The following RAB10 variants were observed in gnomAD, a reference collection of about 807,000 sequenced individuals.
RAB10 encodes RAB10, member RAS oncogene family, also known as ras-related protein Rab-10.
RAB10 carries 5 observed loss-of-function variants against 25.7 expected under a neutral mutation model. The observed-to-expected ratio is 0.19, with a 90% CI of 0.10 to 0.41. RAB10 has a LOEUF of 0.41. RAB10 is among the 10% of genes least tolerant of loss of function. The pLI is 1.00. For missense variants in RAB10, 103 were observed against 245.8 expected, an observed-to-expected ratio of 0.42 and a Z score of 3.89; for synonymous variants, 89 against 86.4, an observed-to-expected ratio of 1.03 and a Z score of -0.16.
intron 5 of RAB10, among the ~76,000 whole-genome samples, chr2:26,133,650 T>C (rs2149291408): frequency 6.6e-6 from 1 of 152,234 alleles, no homozygotes; most frequent in East Asian, 1.9e-4. Context: ...TAAAATACTG[T>C]ATTCTGATTT....
chr2:26,046,943 A>G (rs1175725234), intron 1 of RAB10, among the ~76,000 whole-genome samples: 1 of 152,182 alleles, frequency 6.6e-6, no homozygotes, highest in Non-Finnish European at 1.5e-5. Context: ...ATGCAGTTGT[A>G]AAAGGTAATA....
chr2:26,107,198 ATCGTGCCACTACAC>A (rs568459587), intron 2 of RAB10, among the ~76,000 whole-genome samples: 91 of 148,692 alleles, frequency 6.1e-4, no homozygotes, highest in African/African-American at 1.9e-3. Context: ...GTGAGCCAAG[ATCGTGCCACTACAC>A]TCCAGCCTGG....
rs115350727 is a variant in RAB10, at chr2:26,109,412, T to C, written c.189-356T>C. Among the ~76,000 whole-genome samples, 943 of 152,342 alleles carry C rather than the reference T, an allele frequency of 6.2e-3. 12 individuals are homozygous for C. Among genetic ancestry groups the C allele is most frequent in the African/African-American group, 0.021 (882 of 41,584 alleles). On this transcript the variant is annotated intron_variant, in intron 2 of 5. Coordinates refer to ENST00000264710, the MANE Select transcript of RAB10 (RefSeq NM_016131.5). Reference sequence around the variant, plus strand: ...TATTATTTATAAGTGAGGTTATCTTTACAACTTTTGGTTAATGATTCTAAA... The same window carrying C: ...TATTATTTATAAGTGAGGTTATCTTCACAACTTTTGGTTAATGATTCTAAA...
At chr2:26,057,772 C>T (rs1032243636) in intron 1 of RAB10, among the ~76,000 whole-genome samples, 3 of 152,068 alleles carry the variant, frequency 2.0e-5, no homozygotes, top group Admixed American at 6.6e-5. Flanking sequence ...TACATGCAGG[C>T]GCAACCACAC....
chr2:26,097,037 C>G (rs1040874916), intron 1 of RAB10, among the ~76,000 whole-genome samples: 1 of 152,020 alleles, frequency 6.6e-6, no homozygotes, highest in African/African-American at 2.4e-5. Context: ...GGCAACGTGG[C>G]AAGACCCCGT....
At position 26,095,653 on chromosome 2, in the gene RAB10, G is replaced by A. The variant is rs557964641; in HGVS notation, c.128-3009G>A. ...AGGTTGGACGCAGTGGCTCACGCCC[G>A]TAATCCTGACATCTTGGGAGTCTGT... On this transcript the variant is annotated intron_variant, in intron 1 of 5. Coordinates refer to ENST00000264710, the MANE Select transcript of RAB10 (RefSeq NM_016131.5). Among the ~76,000 whole-genome samples, 72 of 151,646 alleles carry A rather than the reference G, an allele frequency of 4.7e-4. 2 individuals carry two copies. The South Asian group carries it at 0.014, about 29-fold the overall frequency.
chr2:26,111,560 C>T (rs544541614), intron 3 of RAB10, among the ~76,000 whole-genome samples: 5 of 149,704 alleles, frequency 3.3e-5, no homozygotes, highest in East Asian at 3.9e-4. Flanking sequence ...GCTGAGATCA[C>T]GCACCATTGT....
At chr2:26,103,671 A>G (rs1667389794) in intron 2 of RAB10, among the ~76,000 whole-genome samples, 1 of 152,220 alleles carries the variant, frequency 6.6e-6, no homozygotes, top group Non-Finnish European at 1.5e-5. Flanking sequence ...ACAAATTTGT[A>G]CAACCATCGT....
chr2:26,109,592 G>A (rs1030274967), intron 2 of RAB10, among the ~76,000 whole-genome samples, 176 bp from the exon 3 acceptor site: 7 of 152,162 alleles, frequency 4.6e-5, no homozygotes, highest in African/African-American at 1.7e-4. Context: ...TGAGTTTTAT[G>A]TGTCACTTCC....
chr2:26,070,092 T>G (rs1666593697), intron 1 of RAB10, among the ~76,000 whole-genome samples: 1 of 152,234 alleles, frequency 6.6e-6, no homozygotes, highest in Non-Finnish European at 1.5e-5. Context: ...TTGTGTTATA[T>G]TGAGCTATAA....
intron 2 of RAB10, among the ~76,000 whole-genome samples, chr2:26,108,879 A>ATTTTTTTTTATT (rs1212667172): frequency 2.1e-5 from 3 of 139,564 alleles, no homozygotes; most frequent in African/African-American, 7.9e-5. Flanking sequence ...CTTTTGCTTT[A>ATTTTTTTTTATT]TATTTATTTA....
intron 3 of RAB10, among the ~76,000 whole-genome samples, chr2:26,115,105 T>C (rs1295881690): frequency 6.6e-6 from 1 of 152,134 alleles, no homozygotes. Flanking sequence ...TTCACAAAGA[T>C]GGAGAGAAAT....
At chr2:26,107,404 G>A (rs1041507718) in intron 2 of RAB10, among the ~76,000 whole-genome samples, 1 of 152,088 alleles carries the variant, frequency 6.6e-6, no homozygotes, top group Non-Finnish European at 1.5e-5. Context: ...GAAAAGACTA[G>A]CTACAGACTT....
chr2:26,057,542 T>TG (rs1212572844), intron 1 of RAB10, among the ~76,000 whole-genome samples: 1 of 151,906 alleles, frequency 6.6e-6, no homozygotes, highest in East Asian at 1.9e-4. Flanking sequence ...CTAGAGTGGT[T>TG]GGGGGGATGG....
intron 1 of RAB10, among the ~76,000 whole-genome samples, chr2:26,048,654 C>T (rs11126350): frequency 0.98 from 149,195 of 152,246 alleles, 73,121 homozygotes; most frequent in African/African-American, 0.99. Flanking sequence ...TTTGGGAGGC[C>T]TAGGTGGGTG....
intron 3 of RAB10, among the ~76,000 whole-genome samples, chr2:26,113,876 A>T (rs567028988): frequency 6.6e-6 from 1 of 152,152 alleles, no homozygotes; most frequent in Non-Finnish European, 1.5e-5. Context: ...CTTAGAACTA[A>T]TAAACAAGTT....
intron 3 of RAB10, among the ~76,000 whole-genome samples, chr2:26,124,920 T>C (rs551390025): frequency 1.3e-5 from 2 of 152,352 alleles, no homozygotes; most frequent in South Asian, 4.1e-4. Flanking sequence ...TCATCTACAT[T>C]GTAGCATGTG....
chr2:26,128,092 G>A, intron 5 of RAB10, 141 bp downstream of exon 5: 1 of 728,928 alleles, frequency 1.4e-6, no homozygotes. Context: ...CAGCCTTTTT[G>A]GCACCAAGGA....
intron 1 of RAB10, among the ~76,000 whole-genome samples, chr2:26,072,036 T>C (rs1666638294): frequency 6.7e-6 from 1 of 150,120 alleles, no homozygotes; most frequent in Non-Finnish European, 1.5e-5. Context: ...TAATGAACTA[T>C]TAATTTCCAA....
Sources: allele counts gnomAD v4.1 joint callset (sites outside exome capture counted in the v4.1 genomes callset), GRCh38; gene constraint gnomAD v4.1.1; transcripts MANE v1.5; gene names NCBI Gene and HGNC (gene_info 2026-07-23, HGNC 2026-07-21).